The following SF3A1 variants were observed in gnomAD, a reference collection of about 807,000 sequenced individuals.
SF3A1 encodes splicing factor 3a subunit 1.
Under a neutral mutation model 89.9 loss-of-function variants are expected in SF3A1, and 13 were observed. The ratio of observed to expected loss-of-function variants is 0.14; its 90% confidence interval spans 0.09 to 0.23. The LOEUF is 0.23. SF3A1 is among the 10% of genes least tolerant of loss of function. SF3A1 has a pLI of 1.00. For missense variants in SF3A1, 604 were observed against 1,022.1 expected (o/e 0.59, Z 5.58); for synonymous variants, 405 against 374.4 (o/e 1.08, Z -0.94).
chr22:30,356,738 G>A lies in SF3A1; in HGVS notation c.55C>T (p.Pro19Ser). 2.0e-6 allele frequency: 3 copies of A among 1,494,554 alleles called. No individual in the cohort carries two copies. The highest frequency in any genetic ancestry group is 2.2e-5 in the Admixed American group (1 of 46,184). The allele number at this position is 1,494,554 out of a possible 1,614,324, so 92.6% of individuals were successfully genotyped here. ...GGGCGGGGGAGAGGTACCTGTTTGG[G>A]CTCCGTGGGCACGGGCGGCGGCGGG... ...VPPPPPVPTE[P>S]KQPTEEEASS... Residue 19 changes from proline to serine, a missense_variant, in exon 1 of 16, where the codon CCC (proline) becomes TCC (serine). Transcript: ENST00000215793.
chr22:30,345,782 A>C (rs539757155), intron 3 of SF3A1, among the ~76,000 whole-genome samples: 1 of 152,288 alleles, frequency 6.6e-6, no homozygotes, highest in Admixed American at 6.5e-5. Context: ...GGACAGGAGG[A>C]AAAACATGTC....
In SF3A1 at chr22:30,335,556, G is replaced by A. The variant is rs376936875; in HGVS notation, c.2209-18C>T. ...ACAGAGACCTGTGGGATCAAGCAGCGGTCATTCAACTCCTTGGTAAGGCCA... is the reference window on the plus strand; with the variant it reads ...ACAGAGACCTGTGGGATCAAGCAGCAGTCATTCAACTCCTTGGTAAGGCCA... On this transcript the variant is annotated intron_variant, in intron 14 of 15. Transcript: ENST00000215793. 23 of 1,613,860 alleles carry A rather than the reference G, an allele frequency of 1.4e-5. No homozygotes were observed. Among genetic ancestry groups the A allele is most frequent in the African/African-American group, 1.2e-4 (9 of 75,014 alleles).
At position 30,341,901 on chromosome 22, in the gene SF3A1, G is replaced by A. The variant is rs759422876; in HGVS notation, c.878-16C>T. 6.2e-7 allele frequency: 1 copy of A among 1,607,770 alleles called. No homozygotes were observed. The highest frequency in any genetic ancestry group is 8.5e-7 in the Non-Finnish European group (1 of 1,178,774). On this transcript the variant is annotated splice_polypyrimidine_tract_variant and intron_variant, in intron 6 of 15. Transcript: ENST00000215793. Reference sequence around the variant, plus strand: ...GGGAAGTTCCCTAGAGGGTGAGCCAGAGGCAAAGGTATTCCTTATCAAAGA... The same window carrying A: ...GGGAAGTTCCCTAGAGGGTGAGCCAAAGGCAAAGGTATTCCTTATCAAAGA...
At chr22:30,351,685 A>T (rs1394701757) in intron 2 of SF3A1, among the ~76,000 whole-genome samples, 2 of 152,174 alleles carry the variant, frequency 1.3e-5, no homozygotes, top group Non-Finnish European at 1.5e-5. Context: ...TTTTTTGTAG[A>T]CAGGGTCTCA....
rs768630342 is a variant in SF3A1, at chr22:30,347,424, G to A, written c.186-905C>T. ...ACATCCTCAGCAAAAACCCAGACTC[G>A]TACAGCTGTATAAGGCACCTTCAGA... On this transcript the variant is annotated intron_variant, in intron 2 of 15. Coordinates refer to ENST00000215793, the MANE Select transcript of SF3A1 (RefSeq NM_005877.6). Among the ~76,000 whole-genome samples the A allele has an allele frequency of 1.4e-4, 21 of 152,136 alleles. 1 individual carries two copies. Among genetic ancestry groups the A allele is most frequent in the Non-Finnish European group, 2.4e-4 (16 of 68,042 alleles).
intron 13 of SF3A1, among the ~76,000 whole-genome samples, chr22:30,336,539 C>A (rs1300432747): frequency 6.6e-6 from 1 of 152,168 alleles, no homozygotes; most frequent in African/African-American, 2.4e-5. Context: ...CTCCTTACTG[C>A]AGCCTGACAG....
chr22:30,354,910 C>A (rs1421419201), intron 1 of SF3A1, among the ~76,000 whole-genome samples: 1 of 152,104 alleles, frequency 6.6e-6, no homozygotes, highest in African/African-American at 2.4e-5. Flanking sequence ...GGTGACAGAA[C>A]GACACCCGGT....
intron 9 of SF3A1, among the ~76,000 whole-genome samples, 181 bp downstream of exon 9, chr22:30,340,015 G>A (rs1329986689): frequency 6.6e-6 from 1 of 152,244 alleles, no homozygotes; most frequent in Non-Finnish European, 1.5e-5. Flanking sequence ...TTCAGTGTCT[G>A]CCTTTGGGGA....
chr22:30,340,570 G>A (rs13057861), intron 8 of SF3A1, 125 bp downstream of exon 8: 174,246 of 832,500 alleles, frequency 0.21, 19,994 homozygotes, highest in Middle Eastern at 0.28. Context: ...TGTAACAGAC[G>A]GGCTTGCAAT....
chr22:30,339,468 G>A (rs896017064), intron 9 of SF3A1, among the ~76,000 whole-genome samples: 2 of 152,148 alleles, frequency 1.3e-5, no homozygotes, highest in South Asian at 2.1e-4. Context: ...AGAAAAGAAC[G>A]GTAGGCCAGG....
In SF3A1 at chr22:30,338,714, A is replaced by G. The variant is rs1931155245; in HGVS notation, c.1743+75T>C. The stretch of plus-strand genomic sequence containing the variant: ...TCAGGCCCCACTAAAAGGCAGCTGC[A>G]CTTCTCAGCCAACAGTGTCCGACCT... On this transcript the variant is annotated intron_variant, in intron 11 of 15. Coordinates refer to ENST00000215793, the MANE Select transcript of SF3A1 (RefSeq NM_005877.6). The G allele has an allele frequency of 8.8e-6, 14 of 1,593,542 alleles. No homozygotes were observed. The South Asian group carries it at 1.6e-4, about 18-fold the overall frequency.
At position 30,334,433 on chromosome 22, in the gene SF3A1, G is replaced by C. The variant is rs1931004511; in HGVS notation, c.*161C>G. The C allele has an allele frequency of 3.7e-6, 2 of 542,060 alleles. No individual in the cohort carries two copies. The highest frequency in any genetic ancestry group is 6.8e-5 in the East Asian group (2 of 29,320). The allele number at this position is 542,060 out of a possible 1,614,324, so 33.6% of individuals were successfully genotyped here. On this transcript the variant is annotated 3_prime_UTR_variant, in exon 16 of 16. Coordinates refer to ENST00000215793, the MANE Select transcript of SF3A1 (RefSeq NM_005877.6). ...TCTTACCAATGTGGGGAAAGGGTCAGGGGAATGAACCTCTGCAGGACAATT... is the reference window on the plus strand; with the variant it reads ...TCTTACCAATGTGGGGAAAGGGTCACGGGAATGAACCTCTGCAGGACAATT...
At chr22:30,344,778 T>C in intron 4 of SF3A1, 155 bp downstream of exon 4, 1 of 856,578 alleles carries the variant, frequency 1.2e-6, no homozygotes, top group South Asian at 1.7e-5. Context: ...TGAATAGAAA[T>C]CAAGGTTTTA....
rs758999347 is a variant in SF3A1, at chr22:30,342,799, G to A, written c.726+6C>T. 1.9e-6 allele frequency: 3 copies of A among 1,591,252 alleles called. No individual in the cohort carries two copies. The South Asian group carries it at 3.3e-5, about 18-fold the overall frequency. On this transcript the variant is annotated splice_donor_region_variant and intron_variant, in intron 5 of 15. Transcript: ENST00000215793. ...AACTGGTTGCAAGAAATGCTATTCA[G>A]TTTACCTGATCCAAAACTTCTCGGG...
At chr22:30,338,017 C>G (rs905942330) in intron 11 of SF3A1, 120 bp from the exon 12 acceptor site, 1 of 752,184 alleles carries the variant, frequency 1.3e-6, no homozygotes, top group Admixed American at 2.0e-5. Context: ...ACGTCCTGGC[C>G]CCCTGGGACT....
intron 2 of SF3A1, 116 bp from the exon 3 acceptor site, chr22:30,346,635 C>A: frequency 2.7e-6 from 3 of 1,110,848 alleles, no homozygotes; most frequent in African/African-American, 1.6e-5. Flanking sequence ...ACCAGCCCAT[C>A]CCTCAGCAGA....
At chr22:30,355,926 C>T (rs1931804839) in intron 1 of SF3A1, among the ~76,000 whole-genome samples, 2 of 150,738 alleles carry the variant, frequency 1.3e-5, no homozygotes, top group Admixed American at 1.3e-4. Context: ...AGTCACCTAC[C>T]TGGCAAACTC....
In SF3A1 at chr22:30,334,043, AAGT is replaced by A. The variant is rs1007779236; in HGVS notation, c.*548_*550del. ...TACGAATATGATTCTAATACATAAA[AAGT>A]ATGAGGGCAGCAAGAATTTAGTTAC... On this transcript the variant is annotated 3_prime_UTR_variant, in exon 16 of 16. Coordinates refer to ENST00000215793, the MANE Select transcript of SF3A1 (RefSeq NM_005877.6). The A allele has an allele frequency of 2.6e-5, 4 of 152,262 alleles. No individual in the cohort carries two copies. The highest frequency in any genetic ancestry group is 9.7e-5 in the African/African-American group (4 of 41,444). The allele number at this position is 152,262 out of a possible 1,614,324, so 9.4% of individuals were successfully genotyped here.
chr22:30,344,828 T>G (rs551597608), intron 4 of SF3A1, 105 bp downstream of exon 4: 5 of 1,313,878 alleles, frequency 3.8e-6, no homozygotes, highest in Non-Finnish European at 4.2e-6. Context: ...AGAGGCCCCA[T>G]GGAGAAGCGA....
Sources: gnomAD v4.1 joint callset for allele counts (sites outside exome capture counted in the v4.1 genomes callset) on GRCh38, gnomAD v4.1.1 for gene constraint, MANE v1.5 for transcripts, NCBI Gene and HGNC (gene_info 2026-07-23, HGNC 2026-07-21) for gene names.